The following SLC25A48 variants were observed in gnomAD, a reference collection of about 807,000 sequenced individuals.
The protein encoded by SLC25A48 is CTC-321K16.1.
In SLC25A48, 29 loss-of-function variants were observed where a neutral mutation model predicts 32.2. That is an observed-to-expected ratio of 0.90 (90% confidence interval 0.67 to 1.23). SLC25A48 has a LOEUF of 1.23. Among genes scored for constraint, SLC25A48 ranks in the 50% most tolerant of loss-of-function variants. The pLI is 0.00. For synonymous variants in SLC25A48, 164 were observed against 172.3 expected (o/e 0.95, Z 0.38); for missense variants, 399 against 422.7 (o/e 0.94, Z 0.49).
intron 4 of SLC25A48, among the ~76,000 whole-genome samples, chr5:135,857,809 CAGG>C (rs1760457999): frequency 6.6e-6 from 1 of 152,166 alleles, no homozygotes; most frequent in South Asian, 2.1e-4. Flanking sequence ...GAGGGCCACT[CAGG>C]TCTGCCTTGC....
chr5:135,721,496 C>T (rs1404942650), intron 3 of SLC25A48, among the ~76,000 whole-genome samples: 1 of 152,108 alleles, frequency 6.6e-6, no homozygotes, highest in Admixed American at 6.5e-5. Flanking sequence ...AACCACCGCA[C>T]CCGGCCTCCC....
chr5:135,682,252 C>A (rs1460719190), intron 3 of SLC25A48, among the ~76,000 whole-genome samples: 1 of 152,140 alleles, frequency 6.6e-6, no homozygotes, highest in African/African-American at 2.4e-5. Context: ...CTGCTCTGAG[C>A]CCTGCAGTCT....
intron 4 of SLC25A48, among the ~76,000 whole-genome samples, chr5:135,858,460 G>A (rs115932093): frequency 5.8e-4 from 89 of 152,344 alleles, no homozygotes; most frequent in African/African-American, 2.1e-3. Context: ...CTTGGCAGTA[G>A]TGGCTGAGTG....
intron 3 of SLC25A48, among the ~76,000 whole-genome samples, chr5:135,709,613 G>A (rs1050183265): frequency 1.3e-5 from 2 of 152,218 alleles, no homozygotes; most frequent in African/African-American, 4.8e-5. Context: ...ACGACAAGAA[G>A]CACAGCATGG....
At chr5:135,787,717 A>G (rs1445965717) in intron 3 of SLC25A48, among the ~76,000 whole-genome samples, 1 of 151,880 alleles carries the variant, frequency 6.6e-6, no homozygotes, top group African/African-American at 2.4e-5. Flanking sequence ...TATTCGTAAC[A>G]TTTTAGGGAT....
chr5:135,880,172 G>A (rs1762364007), intron 7 of SLC25A48, 75 bp downstream of exon 7: 2 of 1,484,434 alleles, frequency 1.3e-6, no homozygotes, highest in African/African-American at 1.4e-5. Flanking sequence ...TCATGAGAAT[G>A]TTGTGGCCTT....
At chr5:135,790,065 G>A (rs1323958141) in intron 3 of SLC25A48, among the ~76,000 whole-genome samples, 2 of 151,792 alleles carry the variant, frequency 1.3e-5, no homozygotes, top group African/African-American at 4.8e-5. Context: ...ATAACTGGGA[G>A]TACACCACGT....
chr5:135,623,744 G>A (rs1274652231), intron 1 of SLC25A48, among the ~76,000 whole-genome samples: 1 of 152,220 alleles, frequency 6.6e-6, no homozygotes, highest in Non-Finnish European at 1.5e-5. Context: ...TATCATGATT[G>A]TGGCCTTTCT....
At chr5:135,607,111 G>C (rs1319228817) in intron 1 of SLC25A48, among the ~76,000 whole-genome samples, 1 of 152,168 alleles carries the variant, frequency 6.6e-6, no homozygotes, top group Non-Finnish European at 1.5e-5. Context: ...ATGCCCCATG[G>C]CTGCCCTTCC....
At chr5:135,598,053 C>T (rs1032555197) in intron 1 of SLC25A48, among the ~76,000 whole-genome samples, 2 of 151,754 alleles carry the variant, frequency 1.3e-5, no homozygotes, top group African/African-American at 4.8e-5. Context: ...CAAACAAAAG[C>T]AACGTCCCCA....
Position 135,716,519 on chromosome 5 carries a change from C to G in SLC25A48, c.-521+81563C>G, listed in dbSNP as rs540497261. Among the ~76,000 whole-genome samples, 638 of 152,320 alleles carry G rather than the reference C, an allele frequency of 4.2e-3. 3 individuals carry two copies. The highest frequency in any genetic ancestry group is 5.8e-3 in the Non-Finnish European group (395 of 68,018). On this transcript the variant is annotated intron_variant, in intron 3 of 10. Coordinates refer to the SLC25A48 transcript ENST00000646290. ...AGGGACCAGACATTCTCTGCTCTCA[C>G]TGCGGATCATTTCCTGCACCTTAGT... is the stretch of plus-strand genomic sequence containing the variant.
Position 135,602,795 on chromosome 5 carries a change from G to C in SLC25A48, c.-849+23198G>C, listed in dbSNP as rs927271422. ...CACCCCACGACAGGCCCTGGTGTGT[G>C]ATGTTCCTCTTCCTGTGTCCAAGCG... On this transcript the variant is annotated intron_variant, in intron 1 of 10. Transcript: ENST00000646290. Among the ~76,000 whole-genome samples, 92 of 151,984 alleles carry C rather than the reference G, an allele frequency of 6.1e-4. 2 individuals carry two copies.
At chr5:135,798,958 CG>C (rs1413300618) in intron 3 of SLC25A48, among the ~76,000 whole-genome samples, 1 of 150,728 alleles carries the variant, frequency 6.6e-6, no homozygotes, top group Non-Finnish European at 1.5e-5. Flanking sequence ...TTCTAATATC[CG>C]GGGGGGAGAG....
In SLC25A48 at chr5:135,778,839, A is replaced by AC. The variant is rs1392702614; in HGVS notation, c.-520-33676dup. Among the ~76,000 whole-genome samples, 126 of 84,946 alleles carry AC rather than the reference A, an allele frequency of 1.5e-3. 3 individuals carry two copies. Among genetic ancestry groups the AC allele is most frequent in the African/African-American group, 2.3e-3 (50 of 21,280 alleles). The allele number at this position is 84,946 out of a possible 152,430, so 55.7% of individuals were successfully genotyped here. ...CCAACATCGCCAGTGGTGTACACACACCCCCCCCGCCCCGCCGTGACATTG... is the reference window on the plus strand; with the variant it reads ...CCAACATCGCCAGTGGTGTACACACACCCCCCCCCGCCCCGCCGTGACATTG... On this transcript the variant is annotated intron_variant, in intron 3 of 10. Transcript: ENST00000646290.
chr5:135,595,803 A>G (rs11740223), intron 1 of SLC25A48, among the ~76,000 whole-genome samples: 13,369 of 152,286 alleles, frequency 0.088, 599 homozygotes, highest in South Asian at 0.15. Flanking sequence ...TGACTGGCAC[A>G]TAGTACATGC....
At position 135,871,459 on chromosome 5, in the gene SLC25A48, A is replaced by G. The variant is rs200164783; in HGVS notation, c.422-2A>G. Reference sequence around the variant, plus strand: ...GCCACCTTCTCTCCCCTGTCTTTGCAGCCAACCTCGGTTTGAAGTCCAGGG... The same window carrying G: ...GCCACCTTCTCTCCCCTGTCTTTGCGGCCAACCTCGGTTTGAAGTCCAGGG... On this transcript the variant is annotated splice_acceptor_variant, in intron 4 of 7. Coordinates refer to ENST00000681962, the MANE Select transcript of SLC25A48 (RefSeq NM_001349336.2). LOFTEE classifies it high-confidence loss of function. The G allele has an allele frequency of 1.1e-3, 1,814 of 1,579,476 alleles. 9 individuals carry two copies. The highest frequency in any genetic ancestry group is 6.9e-4 in the Non-Finnish European group (804 of 1,159,046).
intron 1 of SLC25A48, among the ~76,000 whole-genome samples, chr5:135,621,426 T>C (rs1400863507): frequency 3.9e-5 from 6 of 152,206 alleles, no homozygotes; most frequent in African/African-American, 1.4e-4. Context: ...ATCTAGTAAT[T>C]AACAAATTGG....
At chr5:135,620,734 C>A (rs892720934) in intron 1 of SLC25A48, among the ~76,000 whole-genome samples, 1 of 152,096 alleles carries the variant, frequency 6.6e-6, no homozygotes, top group East Asian at 1.9e-4. Flanking sequence ...CATTGTGCTG[C>A]AGCTGCTTCG....
At chr5:135,733,129 G>T (rs1258099391) in intron 3 of SLC25A48, among the ~76,000 whole-genome samples, 1 of 152,170 alleles carries the variant, frequency 6.6e-6, no homozygotes, top group Non-Finnish European at 1.5e-5. Flanking sequence ...CAAGGGCGAG[G>T]GCTCGAGTTA....
Sources: gnomAD v4.1 joint callset for allele counts (sites outside exome capture counted in the v4.1 genomes callset) on GRCh38, gnomAD v4.1.1 for gene constraint, MANE v1.5 for transcripts, NCBI Gene and HGNC (gene_info 2026-07-23, HGNC 2026-07-21) for gene names.